The following ASB4 variants were observed in gnomAD, a reference collection of about 807,000 sequenced individuals.
ASB4 encodes the protein ankyrin repeat and SOCS box protein 4.
A neutral mutation model predicts 38.6 loss-of-function variants in ASB4; 35 were observed. That is an observed-to-expected ratio of 0.91 (90% CI 0.69 to 1.20). The LOEUF (loss-of-function observed/expected upper bound fraction) is 1.20. Among genes scored for constraint, ASB4 ranks in the 50% most tolerant of loss-of-function variants. ASB4 has a pLI of 0.00. For synonymous variants in ASB4, 195 were observed against 201.3 expected, an observed-to-expected ratio of 0.97 and a Z score of 0.26; for missense variants, 557 against 527.2, an observed-to-expected ratio of 1.06 and a Z score of -0.55.
chr7:95,511,431 AG>A (rs1366879750), intron 2 of ASB4, among the ~76,000 whole-genome samples: 1 of 152,194 alleles, frequency 6.6e-6, no homozygotes, highest in East Asian at 1.9e-4. Context: ...TGGTAAGAGT[AG>A]GAAGTACGTG....
intron 1 of ASB4, among the ~76,000 whole-genome samples, chr7:95,479,602 T>G (rs1790007064): frequency 6.6e-6 from 1 of 152,214 alleles, no homozygotes; most frequent in Admixed American, 6.5e-5. Context: ...CCCCACTTTT[T>G]TGTGTTAAAT....
chr7:95,537,860 T>C lies in ASB4; in HGVS notation c.*101T>C, dbSNP rs1790917972. On this transcript the variant is annotated 3_prime_UTR_variant, in exon 5 of 5. Transcript: ENST00000325885. ...ATGGTACTTGGGTTGATTATAACAC[T>C]TCAGGGATTTCAAAACACTTTACAA... 2 of 923,006 alleles carry C rather than the reference T, an allele frequency of 2.2e-6. No individual in the cohort carries two copies. The highest frequency in any genetic ancestry group is 3.3e-6 in the Non-Finnish European group (2 of 611,900). 57.2% of individuals were successfully genotyped at this position (923,006 alleles called of 1,614,324 possible).
chr7:95,542,978 T>G (rs1329821939), downstream of ASB4: 2 of 152,092 alleles, frequency 1.3e-5, no homozygotes, highest in African/African-American at 4.8e-5. Flanking sequence ...CATGCTGGGG[T>G]GTGTAAGGCA....
intron 2 of ASB4, among the ~76,000 whole-genome samples, chr7:95,513,254 T>G (rs2375018): frequency 2.3e-4 from 2 of 8,628 alleles, no homozygotes; most frequent in African/African-American, 8.8e-4. Context: ...TTTTTGTTTG[T>G]TTTTTTTTTT....
intron 2 of ASB4, among the ~76,000 whole-genome samples, chr7:95,501,056 A>T (rs1360267659): frequency 1.3e-5 from 2 of 152,200 alleles, no homozygotes; most frequent in African/African-American, 2.4e-5. Flanking sequence ...TAGTTTAAAC[A>T]TGCAAGCTTT....
At chr7:95,492,379 C>T (rs976358659) in intron 1 of ASB4, among the ~76,000 whole-genome samples, 15 of 152,176 alleles carry the variant, frequency 9.9e-5, no homozygotes, top group African/African-American at 3.1e-4. Context: ...GATCTTCTTC[C>T]TTTCCTTGTG....
intron 2 of ASB4, among the ~76,000 whole-genome samples, chr7:95,512,651 C>T (rs1790498892): frequency 6.6e-6 from 1 of 152,146 alleles, no homozygotes; most frequent in African/African-American, 2.4e-5. Context: ...AACCACAGAG[C>T]TTTTATTTTT....
intron 1 of ASB4, among the ~76,000 whole-genome samples, 199 bp downstream of exon 1, chr7:95,486,357 C>A (rs1790090769): frequency 6.6e-6 from 1 of 151,772 alleles, no homozygotes; most frequent in South Asian, 2.1e-4. Flanking sequence ...CGTGTCTCTC[C>A]TTTTCTTTTC....
intron 2 of ASB4, among the ~76,000 whole-genome samples, chr7:95,515,227 TTCTTTTTCTTTC>T (rs1790550255): frequency 7.9e-6 from 1 of 126,306 alleles, no homozygotes; most frequent in Non-Finnish European, 1.6e-5. Context: ...CTTTCTTTCT[TTCTTTTTCTTTC>T]TTTCTTTCTT....
At chr7:95,527,233 G>A (rs76103523) in intron 2 of ASB4, among the ~76,000 whole-genome samples, 2 of 152,150 alleles carry the variant, frequency 1.3e-5, no homozygotes, top group African/African-American at 4.8e-5. Flanking sequence ...GGTGGTGGTG[G>A]TGCTGCGTTC....
intron 1 of ASB4, chr7:95,478,677 T>C (rs1178192656): frequency 2.0e-5 from 3 of 152,134 alleles, no homozygotes; most frequent in Non-Finnish European, 4.4e-5. Flanking sequence ...ATCCAAGAAG[T>C]GGGCAGTAGC....
At chr7:95,497,975 A>G (rs1430078864) in intron 2 of ASB4, among the ~76,000 whole-genome samples, 1 of 152,224 alleles carries the variant, frequency 6.6e-6, no homozygotes, top group South Asian at 2.1e-4. Flanking sequence ...TTTTCAAAGA[A>G]AGGCTGATAT....
chr7:95,484,125 G>A (rs961468484), upstream of ASB4, among the ~76,000 whole-genome samples: 4 of 151,580 alleles, frequency 2.6e-5, no homozygotes, highest in East Asian at 1.9e-4. Flanking sequence ...CTTAGGAGTC[G>A]GAGATCAGCC....
intron 2 of ASB4, among the ~76,000 whole-genome samples, chr7:95,502,391 C>A (rs7806277): frequency 3.0e-5 from 2 of 66,634 alleles, no homozygotes; most frequent in African/African-American, 8.9e-5. Flanking sequence ...TACCAGCCTG[C>A]GGGGGGGGGG....
chr7:95,515,214 TTTCTTTC>T (rs1188815904), intron 2 of ASB4, among the ~76,000 whole-genome samples: 1 of 127,234 alleles, frequency 7.9e-6, no homozygotes, highest in Non-Finnish European at 1.6e-5. Context: ...TCTTTCTTTC[TTTCTTTC>T]TTTCTTTCTT....
intron 2 of ASB4, among the ~76,000 whole-genome samples, chr7:95,515,250 TC>T (rs1429734441): frequency 1.9e-4 from 26 of 135,096 alleles, no homozygotes; most frequent in Non-Finnish European, 2.9e-4. Context: ...TTTCTTTCTT[TC>T]CTTCTTTCTT....
At chr7:95,476,499 C>G (rs2116561874), upstream of ASB4, among the ~76,000 whole-genome samples, 1 of 152,302 alleles carries the variant, frequency 6.6e-6, no homozygotes, top group East Asian at 1.9e-4. Flanking sequence ...AAGCCTAGCT[C>G]TTTTACCCCC....
chr7:95,485,859 C>T, upstream of ASB4: 1 of 847,554 alleles, frequency 1.2e-6, no homozygotes, highest in Non-Finnish European at 1.8e-6. Context: ...AACGGATCAG[C>T]ATAACTTTGG....
the ASB4 span, among the ~76,000 whole-genome samples, chr7:95,548,166 T>C: frequency 2.0e-5 from 3 of 152,254 alleles, no homozygotes; most frequent in Non-Finnish European, 2.9e-5. Context: ...GTGATGTACA[T>C]GTTTGCATTT....
Sources: gnomAD v4.1 joint callset for allele counts (sites outside exome capture counted in the v4.1 genomes callset) on GRCh38, gnomAD v4.1.1 for gene constraint, MANE v1.5 for transcripts, NCBI Gene and HGNC (gene_info 2026-07-23, HGNC 2026-07-21) for gene names.